Variants in ST8SIA2 observed in about 807,000 individuals in gnomAD.
ST8SIA2 encodes the protein alpha-2,8-sialyltransferase 8B.
ST8SIA2 carries 22 observed loss-of-function variants against 37.6 expected under a neutral mutation model. The ratio of observed to expected loss-of-function variants is 0.58; its 90% CI spans 0.42 to 0.83. The LOEUF is 0.83. Among genes scored for constraint, ST8SIA2 ranks in the 40% least tolerant of loss-of-function variants. The pLI, the probability that ST8SIA2 is intolerant of heterozygous loss-of-function variation, is 0.00. For missense variants in ST8SIA2, 382 were observed against 484.7 expected (o/e 0.79, Z 1.99); for synonymous variants, 205 against 201.2 (o/e 1.02, Z -0.16).
At chr15:92,442,134 G>A (rs1435603855) in intron 4 of ST8SIA2, among the ~76,000 whole-genome samples, 1 of 152,218 alleles carries the variant, frequency 6.6e-6, no homozygotes, top group African/African-American at 2.4e-5. Context: ...TGGTGGGGAA[G>A]GAAGACATCT....
At chr15:92,411,759 A>G (rs548802513) in intron 1 of ST8SIA2, among the ~76,000 whole-genome samples, 4 of 152,288 alleles carry the variant, frequency 2.6e-5, no homozygotes, top group East Asian at 1.9e-4. Context: ...TCGTAAGAGA[A>G]TAACAGGAGA....
At chr15:92,437,956 C>T (rs1341509170) in intron 3 of ST8SIA2, among the ~76,000 whole-genome samples, 1 of 152,174 alleles carries the variant, frequency 6.6e-6, no homozygotes, top group African/African-American at 2.4e-5. Context: ...TGGGTGTGCC[C>T]CAGACTGTGG....
chr15:92,433,215 TC>T (rs1305797218), intron 2 of ST8SIA2, among the ~76,000 whole-genome samples: 1 of 152,188 alleles, frequency 6.6e-6, no homozygotes, highest in Admixed American at 6.5e-5. Flanking sequence ...CTTGGCTGTT[TC>T]AAGATAAATG....
chr15:92,458,886 T>C (rs2049937939), intron 5 of ST8SIA2, among the ~76,000 whole-genome samples: 1 of 152,182 alleles, frequency 6.6e-6, no homozygotes, highest in African/African-American at 2.4e-5. Context: ...ATGGTAATCA[T>C]CTGGAGGTGG....
intron 1 of ST8SIA2, among the ~76,000 whole-genome samples, chr15:92,395,244 G>A (rs189204583): frequency 6.6e-6 from 1 of 152,208 alleles, no homozygotes; most frequent in African/African-American, 2.4e-5. Flanking sequence ...TTCTTCTGTG[G>A]GATTTGTGCT....
Position 92,430,090 on chromosome 15 carries a change from G to A in ST8SIA2, c.140G>A (p.Ser47Asn). 6.2e-7 allele frequency: 1 copy of A among 1,614,176 alleles called. No individual in the cohort carries two copies. The highest frequency in any genetic ancestry group is 8.5e-7 in the Non-Finnish European group (1 of 1,180,034). ...GRGTIRSAVN[S>N]LHSKSNRAEV... ...GGTACAATCAGATCAGCTGTGAACAGCTTACATAGCAAATCTAATAGGTTT... is the reference window on the plus strand; with the variant it reads ...GGTACAATCAGATCAGCTGTGAACAACTTACATAGCAAATCTAATAGGTTT... The change falls in exon 2 of 6, where the codon AGC becomes AAC. Residue 47 changes from serine (S) to asparagine (N), a missense_variant. Transcript: ENST00000268164.
chr15:92,442,241 C>G (rs937899774), intron 4 of ST8SIA2, among the ~76,000 whole-genome samples: 3 of 152,188 alleles, frequency 2.0e-5, no homozygotes, highest in Admixed American at 6.5e-5. Context: ...CCCTGCCTGC[C>G]TCTTCTTGTG....
intron 3 of ST8SIA2, among the ~76,000 whole-genome samples, 175 bp downstream of exon 3, chr15:92,434,550 C>T (rs1020708290): frequency 6.6e-6 from 1 of 152,348 alleles, no homozygotes; most frequent in Non-Finnish European, 1.5e-5. Flanking sequence ...ACAAGCCTAG[C>T]GGCCCAGCCT....
intron 1 of ST8SIA2, among the ~76,000 whole-genome samples, chr15:92,395,635 G>C (rs1481608634): frequency 6.6e-6 from 1 of 152,182 alleles, no homozygotes; most frequent in Non-Finnish European, 1.5e-5. Context: ...AGATAAACAT[G>C]CTACTTTTCA....
At chr15:92,461,403 C>T (rs540656378) in intron 5 of ST8SIA2, among the ~76,000 whole-genome samples, 1 of 152,298 alleles carries the variant, frequency 6.6e-6, no homozygotes, top group South Asian at 2.1e-4. Context: ...AATAACCATC[C>T]ACTTCTTCAG....
intron 1 of ST8SIA2, among the ~76,000 whole-genome samples, chr15:92,409,068 C>G (rs919046167): frequency 6.6e-6 from 1 of 152,186 alleles, no homozygotes; most frequent in African/African-American, 2.4e-5. Context: ...TGGGGAAAGA[C>G]CAGCCCACAG....
Position 92,465,182 on chromosome 15 carries a change from C to G in ST8SIA2, c.*797C>G, listed in dbSNP as rs538888612. On this transcript the variant is annotated 3_prime_UTR_variant, in exon 6 of 6. Coordinates refer to ENST00000268164, the MANE Select transcript of ST8SIA2 (RefSeq NM_006011.4). Reference sequence around the variant, plus strand: ...AAAATCAAGACCTCCTGTTAAGGGCCCACTTGACCCTAGAATAAGGCAGGA... The same window carrying G: ...AAAATCAAGACCTCCTGTTAAGGGCGCACTTGACCCTAGAATAAGGCAGGA... The G allele has an allele frequency of 1.3e-5, 2 of 152,322 alleles. No homozygotes were observed. Among genetic ancestry groups the G allele is most frequent in the Non-Finnish European group, 2.9e-5 (2 of 68,038 alleles). The allele number at this position is 152,322 out of a possible 1,614,324, so 9.4% of individuals were successfully genotyped here. A position where few individuals can be genotyped will look rare whatever the true frequency, so the allele number is the denominator to read the frequency against.
At chr15:92,463,585 A>G (rs190265156) in intron 5 of ST8SIA2, among the ~76,000 whole-genome samples, 12 of 152,364 alleles carry the variant, frequency 7.9e-5, no homozygotes, top group Admixed American at 2.6e-4. Flanking sequence ...GAGGTCAGCA[A>G]ACTGCTGCTC....
rs922316107 is a variant in ST8SIA2, at chr15:92,430,201, C to T, written c.161+90C>T. On this transcript the variant is annotated intron_variant, in intron 2 of 5. Coordinates refer to ENST00000268164, the MANE Select transcript of ST8SIA2 (RefSeq NM_006011.4). ...TCTTTGCTGGATGGTGCCCTTCTTA[C>T]TTAGCAAATAGATCTGTTTCGTTTC... The T allele has an allele frequency of 7.1e-5, 90 of 1,268,596 alleles. 1 individual carries two copies. In the South Asian group the frequency reaches 9.3e-4, roughly 13 times the overall value. 78.6% of individuals were successfully genotyped at this position (1,268,596 alleles called of 1,614,324 possible).
At chr15:92,412,284 G>T (rs543437043) in intron 1 of ST8SIA2, among the ~76,000 whole-genome samples, 21 of 150,918 alleles carry the variant, frequency 1.4e-4, no homozygotes, top group Non-Finnish European at 2.4e-4. Flanking sequence ...GGGAAGGAAG[G>T]GGGGAGAGGT....
chr15:92,418,672 G>A (rs1567213826), intron 1 of ST8SIA2, among the ~76,000 whole-genome samples: 1 of 152,256 alleles, frequency 6.6e-6, no homozygotes, highest in East Asian at 1.9e-4. Context: ...AACTTTGATT[G>A]AGGGGGAGAG....
At chr15:92,440,738 G>C (rs2049795414) in intron 4 of ST8SIA2, among the ~76,000 whole-genome samples, 1 of 152,102 alleles carries the variant, frequency 6.6e-6, no homozygotes, top group Non-Finnish European at 1.5e-5. Context: ...TATTCCTCTG[G>C]GTTCTTCCCA....
intron 2 of ST8SIA2, among the ~76,000 whole-genome samples, chr15:92,432,173 G>A (rs1310091759): frequency 5.9e-5 from 9 of 152,176 alleles, no homozygotes; most frequent in Non-Finnish European, 1.0e-4. Context: ...ACTGATTTCT[G>A]ATGAGTACAT....
intron 1 of ST8SIA2, chr15:92,422,834 G>C (rs535542298): frequency 1.3e-5 from 2 of 152,712 alleles, no homozygotes; most frequent in South Asian, 4.1e-4. Flanking sequence ...GCACTTGTCA[G>C]CTGGTGGGAC....
Sources: gnomAD v4.1 joint callset for allele counts (sites outside exome capture counted in the v4.1 genomes callset) on GRCh38, gnomAD v4.1.1 for gene constraint, MANE v1.5 for transcripts, NCBI Gene and HGNC (gene_info 2026-07-23, HGNC 2026-07-21) for gene names.